Variants in CDH13 observed in about 807,000 individuals in gnomAD.
The protein encoded by CDH13 is cadherin 13.
Under a neutral mutation model 63.8 loss-of-function variants are expected in CDH13, and 24 were observed. The observed-to-expected ratio is 0.38, with a 90% CI of 0.27 to 0.53. The LOEUF is 0.53. Ranked by LOEUF, CDH13 falls within the 20% of genes least tolerant of loss-of-function variation. The pLI is 0.85. For missense variants in CDH13, 1,049 were observed against 903.1 expected, an observed-to-expected ratio of 1.16 and a Z score of -2.07; for synonymous variants, 503 against 355.3, an observed-to-expected ratio of 1.42 and a Z score of -4.67.
intron 7 of CDH13, among the ~76,000 whole-genome samples, chr16:83,543,193 G>C (rs4453477): frequency 6.6e-6 from 1 of 152,008 alleles, no homozygotes; most frequent in African/African-American, 2.4e-5. Flanking sequence ...AAAAGACTTC[G>C]ATATTTTCCT....
chr16:83,163,019 T>C (rs1235730638), intron 4 of CDH13, among the ~76,000 whole-genome samples: 1 of 152,072 alleles, frequency 6.6e-6, no homozygotes, highest in African/African-American at 2.4e-5. Context: ...TGGGAGGTGA[T>C]TGAATCATTG....
intron 6 of CDH13, among the ~76,000 whole-genome samples, chr16:83,433,794 G>A (rs2072201419): frequency 6.6e-6 from 1 of 152,212 alleles, no homozygotes. Flanking sequence ...CCGTGCAGCA[G>A]ATAAGAGTGT....
Position 82,910,429 on chromosome 16 carries a change from G to T in CDH13, c.157+51956G>T, listed in dbSNP as rs1289330899. Among the ~76,000 whole-genome samples the T allele has an allele frequency of 2.6e-5, 4 of 152,052 alleles. No individual in the cohort carries two copies. In the East Asian group the frequency reaches 7.7e-4, roughly 29 times the overall value. On this transcript the variant is annotated intron_variant, in intron 2 of 13. Coordinates refer to ENST00000567109, the MANE Select transcript of CDH13 (RefSeq NM_001257.5). ...CTCCAGCCCCTACCTTTTGTCCCTA[G>T]GCTCCTCTGCATCTGTTGACTTTAG...
intron 5 of CDH13, among the ~76,000 whole-genome samples, chr16:83,228,120 T>G (rs975211658): frequency 1.3e-5 from 2 of 152,206 alleles, no homozygotes; most frequent in African/African-American, 2.4e-5. Flanking sequence ...GAATGAGTGC[T>G]GTCCTTATCT....
At chr16:83,553,597 C>T (rs1468778774) in intron 7 of CDH13, among the ~76,000 whole-genome samples, 1 of 152,168 alleles carries the variant, frequency 6.6e-6, no homozygotes, top group East Asian at 1.9e-4. Flanking sequence ...CGCTCTGTCG[C>T]CCAGGCTGGA....
At chr16:83,239,385 G>A (rs1013456617) in intron 5 of CDH13, among the ~76,000 whole-genome samples, 2 of 152,136 alleles carry the variant, frequency 1.3e-5, no homozygotes, top group African/African-American at 4.8e-5. Flanking sequence ...TACACCAAAG[G>A]CAATTAATAA....
At chr16:83,547,188 T>A (rs529037547) in intron 7 of CDH13, among the ~76,000 whole-genome samples, 3 of 152,250 alleles carry the variant, frequency 2.0e-5, no homozygotes, top group African/African-American at 7.2e-5. Context: ...TTATAGAGTA[T>A]GGTAAAAGCT....
At chr16:83,690,987 G>C (rs1045470268) in intron 10 of CDH13, among the ~76,000 whole-genome samples, 2 of 152,076 alleles carry the variant, frequency 1.3e-5, no homozygotes, top group African/African-American at 4.8e-5. Context: ...CTCCCAAAGT[G>C]CTGGGATAAC....
At chr16:83,671,075 C>T in intron 9 of CDH13, 103 bp downstream of exon 9, 3 of 973,194 alleles carry the variant, frequency 3.1e-6, no homozygotes, top group Non-Finnish European at 4.6e-6. Flanking sequence ...GATAAATTCC[C>T]CCAGTCTCCT....
chr16:82,872,199 C>G (rs998216582), intron 2 of CDH13, among the ~76,000 whole-genome samples: 1 of 152,200 alleles, frequency 6.6e-6, no homozygotes, highest in Non-Finnish European at 1.5e-5. Context: ...ACCCAGCATA[C>G]ACACAAATGG....
chr16:83,717,463 G>A (rs574558100), intron 10 of CDH13, among the ~76,000 whole-genome samples: 2 of 152,176 alleles, frequency 1.3e-5, no homozygotes, highest in East Asian at 1.9e-4. Flanking sequence ...TCTGTCTCAG[G>A]AAACAGGCTC....
At chr16:83,241,360 T>G (rs1200977021) in intron 5 of CDH13, among the ~76,000 whole-genome samples, 1 of 152,244 alleles carries the variant, frequency 6.6e-6, no homozygotes, top group East Asian at 1.9e-4. Context: ...GGAGTGAGAT[T>G]GCTAGATCAT....
intron 6 of CDH13, among the ~76,000 whole-genome samples, chr16:83,485,564 T>G (rs1049489984): frequency 3.9e-5 from 6 of 152,168 alleles, no homozygotes; most frequent in African/African-American, 1.4e-4. Context: ...CTCATTCCCT[T>G]TAACTGGAAT....
chr16:83,218,010 GA>G (rs1206868633), intron 5 of CDH13, among the ~76,000 whole-genome samples: 10 of 152,254 alleles, frequency 6.6e-5, no homozygotes, highest in African/African-American at 2.4e-4. Flanking sequence ...TCAAGATATT[GA>G]ATGAAAACAA....
At chr16:83,381,627 C>G (rs534035436) in intron 6 of CDH13, among the ~76,000 whole-genome samples, 2 of 151,902 alleles carry the variant, frequency 1.3e-5, no homozygotes, top group Non-Finnish European at 2.9e-5. Context: ...TAATTCCAAC[C>G]ACTCTCACCT....
chr16:83,289,969 C>T (rs1198203956), intron 5 of CDH13, among the ~76,000 whole-genome samples: 1 of 152,146 alleles, frequency 6.6e-6, no homozygotes, highest in African/African-American at 2.4e-5. Context: ...CCTCTTATAG[C>T]CCCTTCTAAT....
At chr16:83,304,766 A>G (rs1180590395) in intron 5 of CDH13, among the ~76,000 whole-genome samples, 1 of 152,174 alleles carries the variant, frequency 6.6e-6, no homozygotes, top group Non-Finnish European at 1.5e-5. Flanking sequence ...GAGTAAATTC[A>G]TGTTCATGTC....
At chr16:83,657,515 C>T (rs1183174084) in intron 8 of CDH13, among the ~76,000 whole-genome samples, 2 of 152,184 alleles carry the variant, frequency 1.3e-5, no homozygotes, top group African/African-American at 2.4e-5. Flanking sequence ...TGACAGCCAA[C>T]CAGTAGCTCC....
In CDH13 at chr16:83,580,448, TTCTCTCTCTCTCTCTCTCTCTCTCTC is replaced by T. The variant is rs55664829; in HGVS notation, c.961-21972_961-21947del. ...GCACCCAGTTTTCATTTCTGTTCAT[TTCTCTCTCTCTCTCTCTCTCTCTCTC>T]TCTCTCTCTCTCTCTCTCTCTCTCT... On this transcript the variant is annotated intron_variant, in intron 7 of 13. Transcript: ENST00000567109. Among the ~76,000 whole-genome samples, 364 of 76,426 alleles carry T rather than the reference TTCTCTCTCTCTCTCTCTCTCTCTCTC, an allele frequency of 4.8e-3. 3 individuals are homozygous for T. Among genetic ancestry groups the T allele is most frequent in the African/African-American group, 8.3e-3 (171 of 20,496 alleles). 50.1% of individuals were successfully genotyped at this position (76,426 alleles called of 152,430 possible). A position where few individuals can be genotyped will look rare whatever the true frequency, so the allele number is the denominator to read the frequency against.
Sources: allele counts gnomAD v4.1 joint callset (sites outside exome capture counted in the v4.1 genomes callset), GRCh38; gene constraint gnomAD v4.1.1; transcripts MANE v1.5; gene names NCBI Gene and HGNC (gene_info 2026-07-23, HGNC 2026-07-21).